The following BBOX1 variants were observed in gnomAD, a reference collection of about 807,000 sequenced individuals.
BBOX1 encodes gamma-butyrobetaine dioxygenase.
BBOX1 carries 35 observed loss-of-function variants against 41.6 expected under a neutral mutation model. That is an observed-to-expected ratio of 0.84 (90% confidence interval 0.64 to 1.11). BBOX1 has a LOEUF of 1.11. Among genes scored for constraint, BBOX1 ranks in the 50% most tolerant of loss-of-function variants. BBOX1 has a pLI of 0.00. For synonymous variants in BBOX1, 163 were observed against 154.7 expected (o/e 1.05, Z -0.40); for missense variants, 458 against 460.6 (o/e 0.99, Z 0.05).
intron 4 of BBOX1, among the ~76,000 whole-genome samples, chr11:27,069,381 T>A (rs562295020): frequency 8.1e-6 from 1 of 123,652 alleles, no homozygotes; most frequent in South Asian, 2.3e-4. Context: ...GTTTGGTTAT[T>A]GTTGGTATAG....
At chr11:27,104,556 G>C (rs1038891094) in intron 5 of BBOX1, among the ~76,000 whole-genome samples, 2 of 152,110 alleles carry the variant, frequency 1.3e-5, no homozygotes, top group African/African-American at 4.8e-5. Context: ...TTTAGGTCTT[G>C]TGGAGATTTT....
chr11:27,049,333 G>A (rs1851597377), intron 2 of BBOX1, among the ~76,000 whole-genome samples: 1 of 152,040 alleles, frequency 6.6e-6, no homozygotes, highest in Non-Finnish European at 1.5e-5. Context: ...ATAATTGATA[G>A]CATTTTTATA....
chr11:27,086,598 A>G (rs1858049226), intron 4 of BBOX1, among the ~76,000 whole-genome samples: 3 of 152,138 alleles, frequency 2.0e-5, no homozygotes, highest in Admixed American at 2.0e-4. Context: ...TAAGATGTAC[A>G]AGGAGATTGA....
chr11:27,096,750 T>C (rs757213715), intron 5 of BBOX1, among the ~76,000 whole-genome samples: 1 of 152,132 alleles, frequency 6.6e-6, no homozygotes, highest in East Asian at 1.9e-4. Flanking sequence ...GTAGTCTTCA[T>C]ATACAGAAGG....
intron 4 of BBOX1, among the ~76,000 whole-genome samples, chr11:27,076,322 T>C (rs1857630215): frequency 6.6e-6 from 1 of 152,144 alleles, no homozygotes; most frequent in Non-Finnish European, 1.5e-5. Context: ...ATAACCTTAG[T>C]GTGTTGGCTT....
At chr11:27,095,845 TG>T (rs1173134044) in intron 5 of BBOX1, among the ~76,000 whole-genome samples, 1 of 151,998 alleles carries the variant, frequency 6.6e-6, no homozygotes, top group Non-Finnish European at 1.5e-5. Context: ...TGCATAGTAA[TG>T]TGCAAAAGTG....
At chr11:27,119,064 T>C (rs889772535) in intron 6 of BBOX1, among the ~76,000 whole-genome samples, 2 of 152,064 alleles carry the variant, frequency 1.3e-5, no homozygotes, top group African/African-American at 4.8e-5. Flanking sequence ...TCATCTGATA[T>C]TTAAGACTCT....
At chr11:27,097,601 T>G (rs1858484938) in intron 5 of BBOX1, among the ~76,000 whole-genome samples, 1 of 152,060 alleles carries the variant, frequency 6.6e-6, no homozygotes, top group African/African-American at 2.4e-5. Flanking sequence ...TGGCTTCCTT[T>G]AAATAATCTA....
intron 4 of BBOX1, among the ~76,000 whole-genome samples, chr11:27,059,846 A>G (rs1233706800): frequency 6.6e-6 from 1 of 152,184 alleles, no homozygotes; most frequent in African/African-American, 2.4e-5. Flanking sequence ...AATGAGAATG[A>G]TTACCCAATG....
At chr11:27,051,335 G>T (rs1422255114) in intron 2 of BBOX1, among the ~76,000 whole-genome samples, 2 of 152,114 alleles carry the variant, frequency 1.3e-5, no homozygotes, top group East Asian at 3.9e-4. Context: ...TGAGGGTAGT[G>T]CTGGCCTCAT....
intron 4 of BBOX1, among the ~76,000 whole-genome samples, chr11:27,084,444 TA>T (rs35379904): frequency 0.035 from 5,186 of 150,000 alleles, 131 homozygotes; most frequent in South Asian, 0.11. Context: ...TTCTACATGT[TA>T]AAAAAAAAAT....
intron 4 of BBOX1, among the ~76,000 whole-genome samples, chr11:27,076,838 G>A (rs906739113): frequency 1.3e-5 from 2 of 152,130 alleles, no homozygotes; most frequent in Non-Finnish European, 1.5e-5. Flanking sequence ...AAGAGTTTGT[G>A]CAGAAAGTGG....
intron 4 of BBOX1, 82 bp downstream of exon 4, chr11:27,057,397 C>T (rs1193940216): frequency 5.4e-6 from 6 of 1,113,418 alleles, no homozygotes; most frequent in Non-Finnish European, 6.6e-6. Flanking sequence ...ACAGAAAATT[C>T]AAACCTTTGT....
intron 7 of BBOX1, among the ~76,000 whole-genome samples, chr11:27,124,630 C>A (rs551690170): frequency 6.6e-6 from 1 of 152,198 alleles, no homozygotes; most frequent in South Asian, 2.1e-4. Flanking sequence ...CAGGTGCCTG[C>A]CACCACACCC....
chr11:27,045,655 A>T (rs1564949374), intron 2 of BBOX1, among the ~76,000 whole-genome samples: 1 of 152,036 alleles, frequency 6.6e-6, no homozygotes, highest in Non-Finnish European at 1.5e-5. Context: ...GTTGAATTTT[A>T]TCGAAGCATC....
At position 27,084,657 on chromosome 11, in the gene BBOX1, A is replaced by T. The variant is rs1055398065; in HGVS notation, c.335-8511A>T. ...CAGAGCCAACAGCTCAGTTCAGTGC[A>T]GGTGGACAGAAGGTCCTAAACTCTT... is the stretch of plus-strand genomic sequence containing the variant. On this transcript the variant is annotated intron_variant, in intron 4 of 8. Transcript: ENST00000263182. 5.3e-5 allele frequency among the ~76,000 whole-genome samples: 8 copies of T among 152,260 alleles called. No homozygotes were observed. The Middle Eastern group carries it at 0.01, about 194-fold the overall frequency.
intron 5 of BBOX1, among the ~76,000 whole-genome samples, chr11:27,109,799 A>G (rs779879842): frequency 2.6e-5 from 4 of 151,974 alleles, no homozygotes; most frequent in Non-Finnish European, 4.4e-5. Context: ...GTTGTAGTAC[A>G]TAGTGTATGG....
At chr11:27,109,943 TAA>T (rs1289514701) in intron 5 of BBOX1, among the ~76,000 whole-genome samples, 2 of 152,042 alleles carry the variant, frequency 1.3e-5, no homozygotes, top group Non-Finnish European at 2.9e-5. Flanking sequence ...AGCACTTATT[TAA>T]AAGTTTTTTA....
intron 7 of BBOX1, among the ~76,000 whole-genome samples, chr11:27,121,069 G>A (rs970670919): frequency 6.6e-6 from 1 of 152,092 alleles, no homozygotes; most frequent in African/African-American, 2.4e-5. Context: ...GCTTAGCAAG[G>A]ACGGAAATTG....
Sources: gnomAD v4.1 joint callset for allele counts (sites outside exome capture counted in the v4.1 genomes callset) on GRCh38, gnomAD v4.1.1 for gene constraint, MANE v1.5 for transcripts, NCBI Gene and HGNC (gene_info 2026-07-23, HGNC 2026-07-21) for gene names.